Variants in GRAMD1C observed in about 807,000 individuals in gnomAD.
The protein encoded by GRAMD1C is GRAM domain containing 1C.
GRAMD1C carries 89 observed loss-of-function variants against 97.8 expected under a neutral mutation model. The observed-to-expected ratio is 0.91, with a 90% CI of 0.77 to 1.09. The LOEUF (loss-of-function observed/expected upper bound fraction) is 1.09. Ranked by LOEUF, GRAMD1C falls within the 50% of genes least tolerant of loss-of-function variation. The pLI, the probability that GRAMD1C is intolerant of heterozygous loss-of-function variation, is 0.00. For synonymous variants in GRAMD1C, 256 were observed against 267.0 expected (o/e 0.96, Z 0.40); for missense variants, 740 against 766.4 (o/e 0.97, Z 0.41).
At chr3:113,919,725 G>A (rs1936965657) in intron 10 of GRAMD1C, 2 of 595,042 alleles carry the variant, frequency 3.4e-6, no homozygotes. Flanking sequence ...ATAGAAGTGG[G>A]CATTGAAGAT....
At chr3:113,840,790 G>A (rs1049288111) in intron 1 of GRAMD1C, among the ~76,000 whole-genome samples, 8 of 152,186 alleles carry the variant, frequency 5.3e-5, no homozygotes, top group Admixed American at 1.3e-4. Flanking sequence ...CTTACACTAT[G>A]TGTGGCACAA....
intron 1 of GRAMD1C, among the ~76,000 whole-genome samples, chr3:113,843,079 CTTG>C (rs1245815931): frequency 1.8e-5 from 1 of 55,142 alleles, no homozygotes; most frequent in Non-Finnish European, 3.7e-5. Context: ...TTTTTTTGTT[CTTG>C]TTGTTTGTTT....
At chr3:113,887,079 CTTTTTGTTTTTTTTTTGT>C (rs1482482312) in intron 6 of GRAMD1C, among the ~76,000 whole-genome samples, 18 of 97,538 alleles carry the variant, frequency 1.8e-4, no homozygotes, top group African/African-American at 7.5e-4. Flanking sequence ...TGCGCCTGGC[CTTTTTGTTTTTTTTTTGT>C]TTTTTTTTTT....
At chr3:113,885,675 C>G in intron 6 of GRAMD1C, 1 of 1,518,464 alleles carries the variant, frequency 6.6e-7, no homozygotes, top group Non-Finnish European at 9.1e-7. Flanking sequence ...GTGGTACGAG[C>G]TGGTGGTGTT....
At chr3:113,892,317 C>CA (rs1376574881) in intron 6 of GRAMD1C, among the ~76,000 whole-genome samples, 2 of 151,872 alleles carry the variant, frequency 1.3e-5, no homozygotes, top group Non-Finnish European at 2.9e-5. Flanking sequence ...ACTAAAAATA[C>CA]AAAAATCAGC....
intron 3 of GRAMD1C, among the ~76,000 whole-genome samples, chr3:113,871,019 A>G (rs1462386849): frequency 1.7e-5 from 1 of 57,482 alleles, no homozygotes; most frequent in Non-Finnish European, 4.5e-5. Flanking sequence ...ACACACACAC[A>G]CACAGAGGAA....
At position 113,876,533 on chromosome 3, in the gene GRAMD1C, C is replaced by T. The variant is rs79774721; in HGVS notation, c.459+273C>T. On this transcript the variant is annotated intron_variant, in intron 5 of 17. Transcript: ENST00000358160. ...AGCACAATGTCCTTATTTCTAAATACTCTAATAATCCCATGAGTATTTTTC... is the reference window on the plus strand; with the variant it reads ...AGCACAATGTCCTTATTTCTAAATATTCTAATAATCCCATGAGTATTTTTC... Among the ~76,000 whole-genome samples, 453 of 152,238 alleles carry T rather than the reference C, an allele frequency of 3.0e-3. 8 individuals are homozygous for T. The East Asian group carries it at 0.054, about 18-fold the overall frequency.
intron 1 of GRAMD1C, among the ~76,000 whole-genome samples, chr3:113,829,771 A>T (rs1709534352): frequency 6.6e-6 from 1 of 152,102 alleles, no homozygotes; most frequent in Admixed American, 6.6e-5. Flanking sequence ...ATGTTCTGAG[A>T]AATGCGTCAT....
intron 15 of GRAMD1C, 67 bp downstream of exon 15, chr3:113,938,210 A>G: frequency 1.3e-6 from 1 of 747,078 alleles, no homozygotes. Flanking sequence ...TTTCCAAAAG[A>G]ATTTGAATGT....
intron 2 of GRAMD1C, among the ~76,000 whole-genome samples, chr3:113,851,567 G>A (rs1276005308): frequency 6.8e-6 from 1 of 146,674 alleles, no homozygotes; most frequent in African/African-American, 2.6e-5. Flanking sequence ...TGCCCAGGCT[G>A]GAGTGCAGTG....
intron 6 of GRAMD1C, among the ~76,000 whole-genome samples, chr3:113,884,192 T>C (rs1935364423): frequency 6.6e-6 from 1 of 152,186 alleles, no homozygotes; most frequent in Non-Finnish European, 1.5e-5. Context: ...TTCTCCAGAA[T>C]AGACGATATG....
chr3:113,888,532 A>G (rs1021351679), intron 6 of GRAMD1C, among the ~76,000 whole-genome samples: 2 of 152,234 alleles, frequency 1.3e-5, no homozygotes, highest in Non-Finnish European at 2.9e-5. Flanking sequence ...AGCAAATGAT[A>G]ACTACATGAG....
At chr3:113,918,832 A>G (rs1244485078) in intron 10 of GRAMD1C, among the ~76,000 whole-genome samples, 1 of 152,128 alleles carries the variant, frequency 6.6e-6, no homozygotes, top group Non-Finnish European at 1.5e-5. Context: ...TGCTGGGACC[A>G]CAGGTGTGCA....
chr3:113,891,700 A>G (rs2107425743), intron 6 of GRAMD1C, among the ~76,000 whole-genome samples: 1 of 147,830 alleles, frequency 6.8e-6, no homozygotes, highest in African/African-American at 2.5e-5. Context: ...CAACATAGAG[A>G]GACCCCATTT....
intron 5 of GRAMD1C, among the ~76,000 whole-genome samples, chr3:113,879,689 CTTTT>C (rs1187587255): frequency 3.0e-5 from 4 of 131,940 alleles, no homozygotes; most frequent in South Asian, 2.5e-4. Flanking sequence ...TGACCTCTTC[CTTTT>C]TTTTTTTTTT....
rs190287308 is a variant in GRAMD1C, at chr3:113,910,475, C to T, written c.952+1355C>T. On this transcript the variant is annotated intron_variant, in intron 9 of 17. Transcript: ENST00000358160. ...ATATGATGATAAAGAGAATCATGAC[C>T]CAAAGGCCTTCTGAATTTCAAGAGT... is the stretch of plus-strand genomic sequence containing the variant. Among the ~76,000 whole-genome samples, 5 of 152,230 alleles carry T rather than the reference C, an allele frequency of 3.3e-5. No homozygotes were observed. In the East Asian group the frequency reaches 9.7e-4, roughly 29 times the overall value.
intron 9 of GRAMD1C, among the ~76,000 whole-genome samples, chr3:113,910,033 C>T (rs913567824): frequency 6.6e-6 from 1 of 152,194 alleles, no homozygotes; most frequent in Middle Eastern, 3.4e-3. Context: ...GAGGAACATT[C>T]TATATTTGAA....
At chr3:113,939,792 A>G in intron 15 of GRAMD1C, 94 bp from the exon 16 acceptor site, 1 of 690,654 alleles carries the variant, frequency 1.4e-6, no homozygotes, top group Non-Finnish European at 2.6e-6. Context: ...AGTGTAGACA[A>G]TACACATTTT....
chr3:113,862,835 A>G (rs1934435899), intron 2 of GRAMD1C, among the ~76,000 whole-genome samples: 2 of 152,208 alleles, frequency 1.3e-5, no homozygotes, highest in Admixed American at 1.3e-4. Context: ...TTCTTCTGCC[A>G]TGGCTTCAGC....
Sources: gnomAD v4.1 joint callset for allele counts (sites outside exome capture counted in the v4.1 genomes callset) on GRCh38, gnomAD v4.1.1 for gene constraint, MANE v1.5 for transcripts, NCBI Gene and HGNC (gene_info 2026-07-23, HGNC 2026-07-21) for gene names.